Variants in CLIP2 observed in about 807,000 individuals in gnomAD.
CLIP2 encodes the protein CAP-Gly domain containing linker protein 2, also known as CAP-Gly domain-containing linker protein 2.
In CLIP2, 41 loss-of-function variants were observed where a neutral mutation model predicts 111.7. That is an observed-to-expected ratio of 0.37 (90% CI 0.29 to 0.48). CLIP2 has a LOEUF of 0.48. Ranked by LOEUF, CLIP2 falls within the 20% of genes least tolerant of loss-of-function variation. The pLI, the probability that CLIP2 is intolerant of heterozygous loss-of-function variation, is 0.99. For synonymous variants in CLIP2, 660 were observed against 644.2 expected, an observed-to-expected ratio of 1.02 and a Z score of -0.37; for missense variants, 1,160 against 1,422.1, an observed-to-expected ratio of 0.82 and a Z score of 2.96.
chr7:74,376,601 G>C lies in CLIP2; in HGVS notation c.2200G>C (p.Glu734Gln), dbSNP rs781840482. 9 of 1,612,880 alleles carry C rather than the reference G, an allele frequency of 5.6e-6. No individual in the cohort carries two copies. In the Admixed American group the frequency reaches 1.5e-4, roughly 27 times the overall value. Residue 734 changes from glutamate (E) to glutamine (Q), a missense_variant, in exon 10 of 17, where the codon GAG becomes CAG. Physicochemically the swap from Glu to Gln is conservative, Grantham distance 29. Coordinates refer to ENST00000223398, the MANE Select transcript of CLIP2 (RefSeq NM_003388.5). This position sits in a 1 kb window ranked among gnomAD's most constrained non-coding sequence, Gnocchi z 7.1. ...QRRDAELRVH[E>Q]LEKLDVEYRG... The stretch of plus-strand genomic sequence containing the variant: ...CCGGGATGCCGAGCTGCGTGTGCAC[G>C]AGCTGGAAAAACTGGACGTGGAGTA...
rs145609139 is a variant in CLIP2, at chr7:74,291,277, C to T, written c.-68+1543C>T. ...CTCCACACACACCTGTGTGCACCTG[C>T]AAACTCCAGCCCTCAGCACCGTGCA... On this transcript the variant is annotated intron_variant, in intron 1 of 16. Transcript: ENST00000223398. Among the ~76,000 whole-genome samples, 755 of 152,242 alleles carry T rather than the reference C, an allele frequency of 5.0e-3. 2 individuals are homozygous for T. The highest frequency in any genetic ancestry group is 0.014 in the Middle Eastern group (4 of 294).
intron 1 of CLIP2, among the ~76,000 whole-genome samples, chr7:74,316,038 C>T (rs1378548224): frequency 1.5e-5 from 2 of 129,938 alleles, no homozygotes; most frequent in Admixed American, 1.6e-4. Context: ...TCTCCCTCCC[C>T]CCGCCCCCAC....
At chr7:74,309,292 A>G (rs1266465681) in intron 1 of CLIP2, among the ~76,000 whole-genome samples, 2 of 151,896 alleles carry the variant, frequency 1.3e-5, no homozygotes, top group African/African-American at 4.8e-5. Context: ...CCTAGCCAAC[A>G]TGATGAAACC....
intron 1 of CLIP2, among the ~76,000 whole-genome samples, chr7:74,299,080 C>T (rs1300343081): frequency 1.3e-5 from 2 of 152,114 alleles, no homozygotes; most frequent in East Asian, 3.9e-4. Context: ...ACCTGTAATC[C>T]CAGCACTTTG....
intron 13 of CLIP2, among the ~76,000 whole-genome samples, chr7:74,393,096 C>T (rs797037885): frequency 8.9e-5 from 13 of 146,622 alleles, no homozygotes; most frequent in African/African-American, 2.5e-4. Context: ...AGTACAGTGG[C>T]GCGATCTCAG....
chr7:74,350,799 C>A (rs781905612), intron 3 of CLIP2, among the ~76,000 whole-genome samples: 22 of 151,516 alleles, frequency 1.5e-4, no homozygotes, highest in Non-Finnish European at 2.8e-4. Flanking sequence ...CTCAGGAGTT[C>A]AGGCTGCAGT....
At chr7:74,363,016 T>TCC (rs1201074659) in intron 7 of CLIP2, among the ~76,000 whole-genome samples, 3 of 151,360 alleles carry the variant, frequency 2.0e-5, no homozygotes, top group Non-Finnish European at 4.4e-5. Flanking sequence ...TTTTTTTTTT[T>TCC]CCCCCAAGAT....
At chr7:74,354,101 A>C in intron 4 of CLIP2, 97 bp downstream of exon 4, 2 of 1,399,356 alleles carry the variant, frequency 1.4e-6, no homozygotes, top group Non-Finnish European at 1.9e-6. Flanking sequence ...GCGAGTGTCC[A>C]GCATGTAGTG....
intron 12 of CLIP2, among the ~76,000 whole-genome samples, chr7:74,387,615 G>A (rs34083004): frequency 0.16 from 24,995 of 152,094 alleles, 2,235 homozygotes; most frequent in Middle Eastern, 0.19. Context: ...CCCCCTCCTC[G>A]GAAATGGTTG....
In CLIP2 at chr7:74,372,997, G is replaced by T. The variant is rs137993993; in HGVS notation, c.1446G>T (p.Ala482=). 1.3e-6 allele frequency: 2 copies of T among 1,597,632 alleles called. No homozygotes were observed. The highest frequency in any genetic ancestry group is 1.1e-5 in the South Asian group (1 of 87,890). ...ELEQSLLLEK[A]QAERLLRELA... is the part of the protein sequence containing the mutation. ...AACAGAGCCTGCTACTGGAGAAGGC[G>T]CAGGCCGAGCGGCTGCTCCGAGAAT... Residue 482 remains alanine (A), a synonymous_variant, in exon 9 of 17, where the codon GCG becomes GCT. Transcript: ENST00000223398.
At chr7:74,308,238 G>A (rs1201026802) in intron 1 of CLIP2, among the ~76,000 whole-genome samples, 3 of 152,166 alleles carry the variant, frequency 2.0e-5, no homozygotes, top group Non-Finnish European at 4.4e-5. Context: ...CAGGCGGGTG[G>A]TAAGGACTGC....
chr7:74,395,530 G>C (rs1791421709), intron 13 of CLIP2, among the ~76,000 whole-genome samples: 1 of 151,802 alleles, frequency 6.6e-6, no homozygotes, highest in Non-Finnish European at 1.5e-5. Flanking sequence ...GACCTCAGGT[G>C]ATCTGTCCTC....
At position 74,338,940 on chromosome 7, in the gene CLIP2, A is replaced by G. The variant is rs1554732813; in HGVS notation, c.614A>G (p.Asn205Ser). ...SVKTGNESGS[N>S]LSDSGSVKRG... ...AAGACTGGCAACGAGTCGGGATCCA[A>G]CCTCTCAGACAGCGGCTCTGTGAAG... Residue 205 changes from asparagine to serine, a missense_variant, in exon 3 of 17, where the codon AAC becomes AGC. Coordinates refer to ENST00000223398, the MANE Select transcript of CLIP2 (RefSeq NM_003388.5). The surrounding 1 kb of genome is among the most constrained non-coding windows in gnomAD (Gnocchi z 4.3). 10 of 1,600,288 alleles carry G rather than the reference A, an allele frequency of 6.2e-6. No individual in the cohort carries two copies. The highest frequency in any genetic ancestry group is 1.1e-5 in the South Asian group (1 of 91,072).
chr7:74,298,027 A>T (rs1788223020), intron 1 of CLIP2, among the ~76,000 whole-genome samples: 2 of 151,760 alleles, frequency 1.3e-5, no homozygotes, highest in Admixed American at 1.3e-4. Flanking sequence ...AATGAACAAG[A>T]TATGCAAAGA....
intron 13 of CLIP2, among the ~76,000 whole-genome samples, chr7:74,396,184 T>C (rs1196683346): frequency 2.0e-5 from 3 of 152,182 alleles, no homozygotes; most frequent in Non-Finnish European, 2.9e-5. Context: ...TCAGAACCAT[T>C]ATCATCATAG....
intron 3 of CLIP2, among the ~76,000 whole-genome samples, chr7:74,340,678 T>C (rs1789633183): frequency 6.6e-6 from 1 of 152,122 alleles, no homozygotes; most frequent in African/African-American, 2.4e-5. Flanking sequence ...GGGCTGTGTC[T>C]TGCTGTCCAG....
intron 3 of CLIP2, among the ~76,000 whole-genome samples, chr7:74,341,047 T>A (rs782660296): frequency 2.6e-5 from 4 of 152,040 alleles, no homozygotes; most frequent in Non-Finnish European, 5.9e-5. Context: ...CCTTTGGGGT[T>A]GTGGGTAGGG....
intron 4 of CLIP2, among the ~76,000 whole-genome samples, 154 bp from the exon 5 acceptor site, chr7:74,356,256 C>G (rs575490243): frequency 4.6e-5 from 7 of 152,130 alleles, no homozygotes; most frequent in African/African-American, 1.2e-4. Context: ...ATCTCTCCAC[C>G]TGGAAGATTT....
At chr7:74,346,680 G>A (rs1392251614) in intron 3 of CLIP2, among the ~76,000 whole-genome samples, 4 of 141,624 alleles carry the variant, frequency 2.8e-5, no homozygotes, top group Admixed American at 2.3e-4. Flanking sequence ...CTGAGATCAC[G>A]CTGCTGCACT....
Sources: allele counts gnomAD v4.1 joint callset (sites outside exome capture counted in the v4.1 genomes callset), GRCh38; gene constraint gnomAD v4.1.1; non-coding constraint Gnocchi (gnomAD v3.1); transcripts MANE v1.5; gene names NCBI Gene and HGNC (gene_info 2026-07-23, HGNC 2026-07-21).